Variants in LAMB4 observed in about 807,000 individuals in gnomAD.
The protein encoded by LAMB4 is laminin subunit beta-4.
Under a neutral mutation model 199.2 loss-of-function variants are expected in LAMB4, and 196 were observed. The ratio of observed to expected loss-of-function variants is 0.98; its 90% CI spans 0.88 to 1.11. The LOEUF (loss-of-function observed/expected upper bound fraction) is 1.11, where lower values mean the gene tolerates loss of function less well. Ranked by LOEUF, LAMB4 falls within the 50% of genes least tolerant of loss-of-function variation. The pLI, the probability that LAMB4 is intolerant of heterozygous loss-of-function variation, is 0.00. For missense variants in LAMB4, 2,080 were observed against 2,171.2 expected, an observed-to-expected ratio of 0.96 and a Z score of 0.83; for synonymous variants, 744 against 770.6, an observed-to-expected ratio of 0.97 and a Z score of 0.57.
At chr7:108,027,501 T>C (rs2150480087) in intron 33 of LAMB4, among the ~76,000 whole-genome samples, 1 of 152,326 alleles carries the variant, frequency 6.6e-6, no homozygotes, top group Admixed American at 6.5e-5. Flanking sequence ...CATGTCATAG[T>C]AATGATATAA....
chr7:108,043,148 G>A (rs1168110201), intron 29 of LAMB4, among the ~76,000 whole-genome samples: 2 of 151,776 alleles, frequency 1.3e-5, no homozygotes, highest in Non-Finnish European at 2.9e-5. Flanking sequence ...AGAAGACTTG[G>A]AAAATAGTCA....
intron 23 of LAMB4, among the ~76,000 whole-genome samples, chr7:108,058,807 C>G (rs1298411231): frequency 2.0e-5 from 3 of 152,164 alleles, no homozygotes; most frequent in Admixed American, 2.0e-4. Context: ...CAGGTGTGCA[C>G]CACCACACCC....
chr7:108,056,385 G>A (rs1226483986), intron 24 of LAMB4, among the ~76,000 whole-genome samples: 1 of 152,180 alleles, frequency 6.6e-6, no homozygotes, highest in Non-Finnish European at 1.5e-5. Context: ...TCTCTAAGAA[G>A]TCCCATGGTC....
intron 30 of LAMB4, among the ~76,000 whole-genome samples, chr7:108,034,922 G>C (rs185433199): frequency 4.6e-5 from 7 of 152,308 alleles, no homozygotes; most frequent in African/African-American, 1.4e-4. Flanking sequence ...CAAATACTTA[G>C]ATCTGTGGGC....
chr7:108,062,308 G>C (rs554295145), intron 23 of LAMB4: 1 of 152,342 alleles, frequency 6.6e-6, no homozygotes, highest in African/African-American at 2.4e-5. Flanking sequence ...TGCCAGTCTG[G>C]AAGTCAAGAA....
At chr7:108,051,998 G>T in intron 26 of LAMB4, 99 bp downstream of exon 26, 1 of 881,736 alleles carries the variant, frequency 1.1e-6, no homozygotes. Flanking sequence ...AAGTGCTCAG[G>T]CACTATGGTG....
chr7:108,018,284 T>G, the LAMB4 span, among the ~76,000 whole-genome samples: 1 of 152,218 alleles, frequency 6.6e-6, no homozygotes, highest in African/African-American at 2.4e-5. Flanking sequence ...GAGGCTGATC[T>G]ACATGGGAAC....
chr7:108,103,215 G>T lies in LAMB4; in HGVS notation c.1009C>A (p.His337Asn). 6.4e-7 allele frequency: 1 copy of T among 1,566,380 alleles called. No individual in the cohort carries two copies. Among genetic ancestry groups the T allele is most frequent in the Non-Finnish European group, 8.7e-7 (1 of 1,154,764 alleles). The change falls in exon 10 of 34, where the codon CAC (histidine) becomes AAC (asparagine). Residue 337 changes from histidine (H) to asparagine (N), a missense_variant. Transcript: ENST00000388781. ...NACRSCSCNS[H>N]SSRCHFDMTT... is the part of the protein sequence containing the mutation. ...ATGTCAAAGTGACAGCGGCTGGAGT[G>T]GCTATTACAGCTGCACGCTGAAAGG...
intron 11 of LAMB4, among the ~76,000 whole-genome samples, chr7:108,096,462 A>G (rs2150626902): frequency 6.6e-6 from 1 of 152,310 alleles, no homozygotes; most frequent in Non-Finnish European, 1.5e-5. Context: ...GAACATGGAA[A>G]TACAAATATC....
rs942199099 is a variant in LAMB4 at position 108,067,887 on chromosome 7, T to C, written c.2446+129A>G. The C allele has an allele frequency of 1.5e-5, 17 of 1,125,594 alleles. No individual in the cohort carries two copies. The African/African-American group carries it at 2.3e-4, about 15-fold the overall frequency. 69.7% of individuals were successfully genotyped at this position (1,125,594 alleles called of 1,614,324 possible). On this transcript the variant is annotated intron_variant, in intron 19 of 33. Coordinates refer to ENST00000388781, the MANE Select transcript of LAMB4 (RefSeq NM_007356.3). ...AAATGTTCAGTATATTTTATGTACA[T>C]AGATAGTCTGAATAATGTAGTCAGG...
At chr7:108,019,282 C>T (rs2034642724), downstream of LAMB4, among the ~76,000 whole-genome samples, 1 of 151,942 alleles carries the variant, frequency 6.6e-6, no homozygotes, top group Non-Finnish European at 1.5e-5. Context: ...TGGCCCCTTC[C>T]TTCATGTTCA....
intron 16 of LAMB4, among the ~76,000 whole-genome samples, chr7:108,077,297 T>C (rs973147342): frequency 1.3e-5 from 2 of 152,050 alleles, no homozygotes; most frequent in African/African-American, 4.8e-5. Flanking sequence ...TCTGAGAAAC[T>C]ATTGGCTGTG....
intron 17 of LAMB4, among the ~76,000 whole-genome samples, chr7:108,076,316 G>T (rs1357014549): frequency 6.6e-6 from 1 of 152,088 alleles, no homozygotes; most frequent in African/African-American, 2.4e-5. Context: ...TGGAAGGAAT[G>T]CCCATTGCCC....
intron 17 of LAMB4, among the ~76,000 whole-genome samples, chr7:108,073,003 C>T (rs568778261): frequency 6.6e-6 from 1 of 152,216 alleles, no homozygotes; most frequent in East Asian, 1.9e-4. Context: ...GAGTTCCTGT[C>T]AGCTATAGGA....
At chr7:108,030,427 T>G (rs2034987641) in intron 32 of LAMB4, among the ~76,000 whole-genome samples, 2 of 152,212 alleles carry the variant, frequency 1.3e-5, no homozygotes, top group Admixed American at 1.3e-4. Flanking sequence ...TGACTTTCAT[T>G]TATTGTTTTC....
At chr7:108,044,607 T>A (rs1191209588) in intron 28 of LAMB4, among the ~76,000 whole-genome samples, 2 of 152,200 alleles carry the variant, frequency 1.3e-5, no homozygotes, top group African/African-American at 4.8e-5. Context: ...CTTTATTGAA[T>A]AAATTAATTG....
intron 2 of LAMB4, among the ~76,000 whole-genome samples, chr7:108,119,758 G>A (rs1220316313): frequency 6.6e-6 from 1 of 152,140 alleles, no homozygotes; most frequent in Non-Finnish European, 1.5e-5. Flanking sequence ...ACGCACACAT[G>A]AGTACATGTA....
rs1006248299 is a variant in LAMB4, at chr7:108,096,097, C to G, written c.1361-760G>C. On this transcript the variant is annotated intron_variant, in intron 11 of 33. Coordinates refer to ENST00000388781, the MANE Select transcript of LAMB4 (RefSeq NM_007356.3). ...AAGCACATTAACATCGTTGCATAAA[C>G]AAACTCCAGAACGCTTTTCATCCTA... Among the ~76,000 whole-genome samples, 7 of 152,196 alleles carry G rather than the reference C, an allele frequency of 4.6e-5. No individual in the cohort carries two copies. In the East Asian group the frequency reaches 1.3e-3, roughly 29 times the overall value.
intron 2 of LAMB4, 35 bp from the exon 3 acceptor site, chr7:108,116,196 AG>A (rs1335711937): frequency 6.2e-7 from 1 of 1,600,496 alleles, no homozygotes; most frequent in East Asian, 2.2e-5. Flanking sequence ...CACGGAAGGC[AG>A]TCTAAGGACA....
Sources: gnomAD v4.1 joint callset for allele counts (sites outside exome capture counted in the v4.1 genomes callset) on GRCh38, gnomAD v4.1.1 for gene constraint, MANE v1.5 for transcripts, NCBI Gene and HGNC (gene_info 2026-07-23, HGNC 2026-07-21) for gene names.